Variants in KPNA6 observed in about 807,000 individuals in gnomAD.
KPNA6 encodes importin subunit alpha-7.
A neutral mutation model predicts 72.0 loss-of-function variants in KPNA6; 9 were observed. The observed-to-expected ratio is 0.13, with a 90% confidence interval of 0.08 to 0.22. The LOEUF (loss-of-function observed/expected upper bound fraction) is 0.22, where lower values mean the gene tolerates loss of function less well. KPNA6 is among the 10% of genes least tolerant of loss of function. The pLI is 1.00. For missense variants in KPNA6, 374 were observed against 655.7 expected (o/e 0.57, Z 4.69); for synonymous variants, 219 against 242.1 (o/e 0.90, Z 0.89).
chr1:32,140,783 A>G (rs961813501), intron 1 of KPNA6, among the ~76,000 whole-genome samples: 1 of 152,210 alleles, frequency 6.6e-6, no homozygotes, highest in Non-Finnish European at 1.5e-5. Flanking sequence ...TGGCAGAGTT[A>G]CAACAATACC....
rs1444712333 is a variant in KPNA6 at position 32,138,653 on chromosome 1, A to G, written c.5-15935A>G. 3.9e-5 allele frequency among the ~76,000 whole-genome samples: 6 copies of G among 151,942 alleles called. No homozygotes were observed. The East Asian group carries it at 1.2e-3, about 29-fold the overall frequency. ...GACCAAAGGTAGGATTTTGGTACAC[A>G]CTGACATTGAGAGGTTGGCTCTGGA... On this transcript the variant is annotated intron_variant, in intron 1 of 13. Transcript: ENST00000373625.
chr1:32,154,429 T>TG (rs1557477727), intron 1 of KPNA6, among the ~76,000 whole-genome samples, 159 bp from the exon 2 acceptor site: 1 of 48,238 alleles, frequency 2.1e-5, no homozygotes, highest in East Asian at 6.3e-4. Flanking sequence ...ATACTGGGGC[T>TG]GGGGGGTGGG....
At chr1:32,160,805 C>G (rs1387436151) in intron 7 of KPNA6, 102 bp downstream of exon 7, 1 of 785,078 alleles carries the variant, frequency 1.3e-6, no homozygotes, top group Non-Finnish European at 2.2e-6. Context: ...TAGGTAAGTG[C>G]AAAAACTATA....
intron 1 of KPNA6, among the ~76,000 whole-genome samples, chr1:32,139,623 AC>A (rs1641803633): frequency 6.6e-6 from 1 of 152,228 alleles, no homozygotes; most frequent in South Asian, 2.1e-4. Flanking sequence ...AAGAAAACTG[AC>A]CTAGTCTCTT....
chr1:32,115,199 G>A (rs1641309136), intron 1 of KPNA6, among the ~76,000 whole-genome samples: 2 of 151,424 alleles, frequency 1.3e-5, no homozygotes, highest in African/African-American at 4.9e-5. Context: ...GCAGTGGCGC[G>A]ACCTCAGCTC....
Position 32,161,933 on chromosome 1 carries a change from G to T in KPNA6, c.648-14G>T. ...GCCTCAGTGCTCAGGATCTGGCTTT[G>T]CTGTTTCCTTCAGACTCCTTACCAA... On this transcript the variant is annotated splice_polypyrimidine_tract_variant and intron_variant, in intron 7 of 13. Coordinates refer to ENST00000373625, the MANE Select transcript of KPNA6 (RefSeq NM_012316.5). The T allele has an allele frequency of 3.1e-6, 5 of 1,607,868 alleles. No homozygotes were observed. The highest frequency in any genetic ancestry group is 4.3e-6 in the Non-Finnish European group (5 of 1,174,660).
chr1:32,162,557 C>G (rs1642258019), intron 9 of KPNA6, 33 bp downstream of exon 9: 1 of 1,611,366 alleles, frequency 6.2e-7, no homozygotes, highest in Non-Finnish European at 8.5e-7. Context: ...CAGGTTCTGG[C>G]TGGGCACGGT....
chr1:32,156,781 A>G (rs1224953079), intron 2 of KPNA6, 72 bp from the exon 3 acceptor site: 1 of 1,189,060 alleles, frequency 8.4e-7, no homozygotes, highest in African/African-American at 1.5e-5. Context: ...TTATGCCATA[A>G]TTTAACATTG....
intron 1 of KPNA6, among the ~76,000 whole-genome samples, chr1:32,112,263 T>C (rs1345572981): frequency 6.6e-6 from 1 of 152,186 alleles, no homozygotes; most frequent in African/African-American, 2.4e-5. Flanking sequence ...ATAATAATAA[T>C]AATACCCAAC....
intron 1 of KPNA6, among the ~76,000 whole-genome samples, chr1:32,126,606 A>G (rs1641540581): frequency 6.6e-6 from 1 of 151,998 alleles, no homozygotes; most frequent in Non-Finnish European, 1.5e-5. Context: ...GCTGCTCTCG[A>G]ACCCTTGACC....
In KPNA6 at chr1:32,155,124, A is replaced by G. The variant is rs6425792; in HGVS notation, c.138+403A>G. Among the ~76,000 whole-genome samples, 1,323 of 150,216 alleles carry G rather than the reference A, an allele frequency of 8.8e-3. 20 individuals carry two copies. The highest frequency in any genetic ancestry group is 0.03 in the African/African-American group (1,213 of 40,992). The stretch of plus-strand genomic sequence containing the variant: ...AAACTCCATCTCAAAAAAAAAAAAA[A>G]AAAAAAAAAGAAAAGTAGCTTACTT... On this transcript the variant is annotated intron_variant, in intron 2 of 13. Transcript: ENST00000373625.
chr1:32,155,640 A>G (rs1642125863), intron 2 of KPNA6, among the ~76,000 whole-genome samples: 1 of 151,636 alleles, frequency 6.6e-6, no homozygotes, highest in African/African-American at 2.4e-5. Context: ...CTGAGACTAT[A>G]ATAATGCCTC....
At chr1:32,134,886 T>C (rs1049341982) in intron 1 of KPNA6, among the ~76,000 whole-genome samples, 1 of 151,364 alleles carries the variant, frequency 6.6e-6, no homozygotes, top group African/African-American at 2.4e-5. Context: ...TTTTTTTTAA[T>C]TTTATTTATT....
intron 11 of KPNA6, among the ~76,000 whole-genome samples, chr1:32,166,624 C>CAA (rs561653103): frequency 4.6e-4 from 18 of 39,002 alleles, no homozygotes; most frequent in East Asian, 3.2e-3. Context: ...GACTCCGTCT[C>CAA]AAAAAAAAAA....
At chr1:32,129,027 CTT>C (rs1337880429) in intron 1 of KPNA6, among the ~76,000 whole-genome samples, 1 of 152,154 alleles carries the variant, frequency 6.6e-6, no homozygotes, top group Non-Finnish European at 1.5e-5. Flanking sequence ...CTTTGTAGCT[CTT>C]TTCACCAGTA....
chr1:32,109,934 C>T (rs1324513220), intron 1 of KPNA6, among the ~76,000 whole-genome samples: 1 of 151,944 alleles, frequency 6.6e-6, no homozygotes, highest in African/African-American at 2.4e-5. Context: ...AGATTACAAG[C>T]GTGAGCCACC....
intron 5 of KPNA6, 21 bp from the exon 6 acceptor site, chr1:32,159,379 A>G (rs370580115): frequency 5.0e-6 from 8 of 1,612,994 alleles, no homozygotes; most frequent in Non-Finnish European, 6.8e-6. Flanking sequence ...CCTTTCAATC[A>G]TTGCTTAATC....
chr1:32,137,868 C>CTCACGCCTG (rs1557468312), intron 1 of KPNA6, among the ~76,000 whole-genome samples: 1 of 152,184 alleles, frequency 6.6e-6, no homozygotes, highest in African/African-American at 2.4e-5. Context: ...GGCACAGTGG[C>CTCACGCCTG]TCACGCCTGT....
At chr1:32,110,659 G>A (rs1641230837) in intron 1 of KPNA6, among the ~76,000 whole-genome samples, 1 of 152,146 alleles carries the variant, frequency 6.6e-6, no homozygotes, top group Admixed American at 6.6e-5. Flanking sequence ...TAATCCCATA[G>A]GCCGAGGCGG....
Sources: allele counts gnomAD v4.1 joint callset (sites outside exome capture counted in the v4.1 genomes callset), GRCh38; gene constraint gnomAD v4.1.1; transcripts MANE v1.5; gene names NCBI Gene and HGNC (gene_info 2026-07-23, HGNC 2026-07-21).